The following SEMA3C variants were observed in gnomAD, a reference collection of about 807,000 sequenced individuals.
SEMA3C encodes semaphorin 3C, also known as semaphorin-3C.
Under a neutral mutation model 89.4 loss-of-function variants are expected in SEMA3C, and 47 were observed. The ratio of observed to expected loss-of-function variants is 0.53; its 90% CI spans 0.42 to 0.67. SEMA3C has a LOEUF of 0.67. Ranked by LOEUF, SEMA3C falls within the 30% of genes least tolerant of loss-of-function variation. SEMA3C has a pLI of 0.00. For missense variants in SEMA3C, 839 were observed against 929.1 expected (o/e 0.90, Z 1.26); for synonymous variants, 310 against 320.2 (o/e 0.97, Z 0.34).
At chr7:80,772,419 T>G (rs1315275902) in intron 12 of SEMA3C, among the ~76,000 whole-genome samples, 1 of 152,196 alleles carries the variant, frequency 6.6e-6, no homozygotes, top group East Asian at 1.9e-4. Context: ...TAAACTGACT[T>G]ATTTAGCACA....
At chr7:80,809,377 TA>T (rs1789413998) in intron 6 of SEMA3C, among the ~76,000 whole-genome samples, 2 of 152,174 alleles carry the variant, frequency 1.3e-5, no homozygotes, top group South Asian at 4.1e-4. Flanking sequence ...AAAAGATTAC[TA>T]AAACACAGGA....
At chr7:80,759,405 G>T (rs1445406901) in intron 14 of SEMA3C, among the ~76,000 whole-genome samples, 1 of 151,990 alleles carries the variant, frequency 6.6e-6, no homozygotes, top group Non-Finnish European at 1.5e-5. Context: ...CCATGGGCCC[G>T]CCAGGCTCTG....
chr7:80,828,174 T>C (rs528802095), intron 3 of SEMA3C, among the ~76,000 whole-genome samples: 107 of 152,196 alleles, frequency 7.0e-4, no homozygotes, highest in Non-Finnish European at 1.3e-3. Context: ...CCTTGTGAAA[T>C]GGAATGATAA....
At chr7:80,830,833 G>A (rs1002687623) in intron 2 of SEMA3C, among the ~76,000 whole-genome samples, 1 of 152,120 alleles carries the variant, frequency 6.6e-6, no homozygotes, top group Non-Finnish European at 1.5e-5. Context: ...TCCTTCATGA[G>A]GAGAGCACGT....
chr7:80,761,118 T>C (rs1190318677), intron 14 of SEMA3C, among the ~76,000 whole-genome samples: 2 of 152,172 alleles, frequency 1.3e-5, no homozygotes, highest in Non-Finnish European at 2.9e-5. Flanking sequence ...TTTGAGACTT[T>C]TCTTTTTTTT....
rs147431638 is a variant in SEMA3C at position 80,745,984 on chromosome 7, T to C, written c.1843-677A>G. ...GCTATGAATTAATATTTAATTACTT[T>C]ATAGGTTTTACTGGAAAAAATGATT... is the stretch of plus-strand genomic sequence containing the variant. On this transcript the variant is annotated intron_variant, in intron 17 of 17. Transcript: ENST00000265361. Among the ~76,000 whole-genome samples the C allele has an allele frequency of 1.0e-3, 156 of 152,262 alleles. No homozygotes were observed. In the East Asian group the frequency reaches 0.029, roughly 28 times the overall value.
chr7:80,867,668 A>G (rs771575079), intron 2 of SEMA3C, among the ~76,000 whole-genome samples: 17 of 152,090 alleles, frequency 1.1e-4, no homozygotes, highest in Non-Finnish European at 2.2e-4. Flanking sequence ...GGTATCATAT[A>G]ATGCTGGGTG....
chr7:80,797,314 A>G lies in SEMA3C; in HGVS notation c.1131+778T>C, dbSNP rs147787416. ...ATGAGAAAGAAAGAGTAGGACTGTTATCAATGGACCCTTAGAAAAATTCCG... is the reference window on the plus strand; with the variant it reads ...ATGAGAAAGAAAGAGTAGGACTGTTGTCAATGGACCCTTAGAAAAATTCCG... On this transcript the variant is annotated intron_variant, in intron 11 of 17. Coordinates refer to ENST00000265361, the MANE Select transcript of SEMA3C (RefSeq NM_006379.5). Among the ~76,000 whole-genome samples the G allele has an allele frequency of 2.6e-5, 4 of 152,302 alleles. No individual in the cohort carries two copies. The East Asian group carries it at 7.7e-4, about 29-fold the overall frequency.
chr7:80,755,351 A>G (rs982690578), intron 15 of SEMA3C, among the ~76,000 whole-genome samples: 7 of 150,010 alleles, frequency 4.7e-5, no homozygotes, highest in Admixed American at 4.0e-4. Context: ...CATATTGAGC[A>G]TAAACTTCTA....
chr7:80,815,095 A>G (rs1479077723), intron 5 of SEMA3C, among the ~76,000 whole-genome samples: 1 of 152,198 alleles, frequency 6.6e-6, no homozygotes, highest in East Asian at 1.9e-4. Flanking sequence ...TAGCTTCAAC[A>G]TGATTTTGAT....
At chr7:80,788,088 G>C (rs182147155) in intron 12 of SEMA3C, among the ~76,000 whole-genome samples, 58 of 152,286 alleles carry the variant, frequency 3.8e-4, no homozygotes, top group Middle Eastern at 3.4e-3. Flanking sequence ...GCACACTTTG[G>C]AAATTTTATT....
At chr7:80,855,467 G>A (rs1224476332) in intron 2 of SEMA3C, among the ~76,000 whole-genome samples, 2 of 151,994 alleles carry the variant, frequency 1.3e-5, no homozygotes, top group African/African-American at 2.4e-5. Flanking sequence ...GACAGGTCTC[G>A]CTATGTTGCC....
intron 5 of SEMA3C, 80 bp downstream of exon 5, chr7:80,818,219 C>A: frequency 7.5e-7 from 1 of 1,326,386 alleles, no homozygotes. Flanking sequence ...TTGATATGTC[C>A]AAGTTTTTAC....
At chr7:80,897,325 C>T (rs1791763295) in intron 2 of SEMA3C, among the ~76,000 whole-genome samples, 1 of 152,186 alleles carries the variant, frequency 6.6e-6, no homozygotes, top group Non-Finnish European at 1.5e-5. Context: ...AAAATATCAA[C>T]ATCCTTTCCT....
At chr7:80,842,342 T>C (rs999964276) in intron 2 of SEMA3C, among the ~76,000 whole-genome samples, 10 of 152,174 alleles carry the variant, frequency 6.6e-5, no homozygotes, top group African/African-American at 2.4e-4. Context: ...TCACTCAAGC[T>C]TTCAAAAGAG....
intron 2 of SEMA3C, among the ~76,000 whole-genome samples, chr7:80,878,885 A>G (rs1419385124): frequency 6.6e-6 from 1 of 152,170 alleles, no homozygotes; most frequent in Non-Finnish European, 1.5e-5. Context: ...ATTAGAAAAA[A>G]AAGTTGTTAT....
At chr7:80,868,801 T>C (rs1790990015) in intron 2 of SEMA3C, among the ~76,000 whole-genome samples, 1 of 152,064 alleles carries the variant, frequency 6.6e-6, no homozygotes, top group Non-Finnish European at 1.5e-5. Flanking sequence ...ATACAGCCCA[T>C]TACTGAGGAT....
intron 2 of SEMA3C, among the ~76,000 whole-genome samples, chr7:80,896,838 TCTC>T (rs1335663721): frequency 6.6e-6 from 1 of 152,186 alleles, no homozygotes; most frequent in African/African-American, 2.4e-5. Context: ...CCTTGGGGCT[TCTC>T]CTTTCCTTAA....
intron 15 of SEMA3C, 95 bp from the exon 16 acceptor site, chr7:80,751,431 T>C (rs1413046804): frequency 9.2e-7 from 1 of 1,084,904 alleles, no homozygotes; most frequent in African/African-American, 1.6e-5. Context: ...GCACCCTTTT[T>C]ATTGCTAAGC....
Sources: gnomAD v4.1 joint callset for allele counts (sites outside exome capture counted in the v4.1 genomes callset) on GRCh38, gnomAD v4.1.1 for gene constraint, MANE v1.5 for transcripts, NCBI Gene and HGNC (gene_info 2026-07-23, HGNC 2026-07-21) for gene names.